The following WDR55 variants were observed in gnomAD, a reference collection of about 807,000 sequenced individuals.
The protein encoded by WDR55 is WD repeat domain 55.
In WDR55, 31 loss-of-function variants were observed where a neutral mutation model predicts 34.0. That is an observed-to-expected ratio of 0.91 (90% CI 0.69 to 1.23). WDR55 has a LOEUF of 1.23. Among genes scored for constraint, WDR55 ranks in the 50% most tolerant of loss-of-function variants. The pLI, the probability that WDR55 is intolerant of heterozygous loss-of-function variation, is 0.00. For synonymous variants in WDR55, 164 were observed against 185.9 expected (o/e 0.88, Z 0.96); for missense variants, 440 against 494.6 (o/e 0.89, Z 1.05).
At chr5:140,668,573 A>G (rs1481156391) in intron 3 of WDR55, 39 bp from the exon 4 acceptor site, 5 of 1,610,060 alleles carry the variant, frequency 3.1e-6, no homozygotes, top group African/African-American at 1.3e-5. Context: ...CCCCACTGGG[A>G]CAGAGATGCT....
At position 140,668,328 on chromosome 5, in the gene WDR55, G is replaced by A. The variant is rs1757971308; in HGVS notation, c.286G>A (p.Gly96Arg). Residue 96 changes from glycine (G) to arginine (R), a missense_variant, in exon 2 of 7, where the codon GGG (glycine) becomes AGG (arginine). Gly to Arg is a moderately radical substitution (Grantham distance 125). Coordinates refer to ENST00000358337, the MANE Select transcript of WDR55 (RefSeq NM_017706.5). ...ACRAVAFSED[G>R]QKLITVSKDK... is the part of the protein sequence containing the mutation. ...CCGAGCTGTGGCCTTCTCTGAAGAT[G>A]GGCAGAGTGAGTACTGGGGAAGACA... The A allele has an allele frequency of 6.2e-7, 1 of 1,614,212 alleles. No individual in the cohort carries two copies. Among genetic ancestry groups the A allele is most frequent in the Non-Finnish European group, 8.5e-7 (1 of 1,180,044 alleles).
Position 140,672,294 on chromosome 5 carries a change from TG to T in WDR55, c.*2642del. Reference sequence around the variant, plus strand: ...AGGTAAGCGGTGGTGGTAGCACCATTGGAAGTTTTAAAAATCTGAGATCAAA... The same window carrying T: ...AGGTAAGCGGTGGTGGTAGCACCATTGAAGTTTTAAAAATCTGAGATCAAA... On this transcript the variant is annotated 3_prime_UTR_variant, in exon 7 of 7. Transcript: ENST00000358337. The T allele has an allele frequency of 1.2e-6, 1 of 818,934 alleles. No individual in the cohort carries two copies. Among genetic ancestry groups the T allele is most frequent in the South Asian group, 1.7e-5 (1 of 60,036 alleles). 50.7% of individuals were successfully genotyped at this position (818,934 alleles called of 1,614,324 possible).
chr5:140,669,400 G>A lies in WDR55; in HGVS notation c.898G>A (p.Glu300Lys). 1.2e-6 allele frequency: 2 copies of A among 1,614,132 alleles called. No individual in the cohort carries two copies. Among genetic ancestry groups the A allele is most frequent in the Non-Finnish European group, 1.7e-6 (2 of 1,180,016 alleles). The stretch of plus-strand genomic sequence containing the variant: ...CCAGCACACTGGGGAGCCTGTGGAG[G>A]AGCTGGCCCTCTCCCACTGTGGCCG... ...VGQHTGEPVE[E>K]LALSHCGRFL... The change falls in exon 7 of 7, where the codon GAG becomes AAG. Residue 300 changes from glutamate to lysine, a missense_variant. Transcript: ENST00000358337.
chr5:140,671,936 T>C lies in WDR55; in HGVS notation c.*2282T>C. On this transcript the variant is annotated 3_prime_UTR_variant, in exon 7 of 7. Coordinates refer to ENST00000358337, the MANE Select transcript of WDR55 (RefSeq NM_017706.5). ...TATTTGCAAAGGGAGTATAACACAC[T>C]GCTACCTTACAAGTTTCCTTGGAGA... 1.5e-6 allele frequency: 1 copy of C among 666,986 alleles called. No homozygotes were observed. Among genetic ancestry groups the C allele is most frequent in the Non-Finnish European group, 2.6e-6 (1 of 387,348 alleles). 41.3% of individuals were successfully genotyped at this position (666,986 alleles called of 1,614,324 possible). A position where few individuals can be genotyped will look rare whatever the true frequency, so the allele number is the denominator to read the frequency against.
At position 140,669,518 on chromosome 5, in the gene WDR55, A is replaced by C; in HGVS notation, c.1016A>C (p.Lys339Thr). 1 of 1,614,032 alleles carries C rather than the reference A, an allele frequency of 6.2e-7. No homozygotes were observed. Among genetic ancestry groups the C allele is most frequent in the Non-Finnish European group, 8.5e-7 (1 of 1,179,990 alleles). ...AVVVDDYRRR[K>T]KKGGPLRALS... is the part of the protein sequence containing the mutation. ...GTGGTGGATGACTACCGTCGGCGCAAAAAAAAGGGAGGACCACTGCGGGCT... is the reference window on the plus strand; with the variant it reads ...GTGGTGGATGACTACCGTCGGCGCACAAAAAAGGGAGGACCACTGCGGGCT... Residue 339 changes from lysine to threonine, a missense_variant, in exon 7 of 7, where the codon AAA (lysine) becomes ACA (threonine). By Grantham distance (78) the Lys-to-Thr change is moderately conservative. Transcript: ENST00000358337.
rs1231834252 is a variant in WDR55, at chr5:140,671,765, CAA to C, written c.*2113_*2114del. The C allele has an allele frequency of 6.4e-7, 1 of 1,560,208 alleles. No individual in the cohort carries two copies. Among genetic ancestry groups the C allele is most frequent in the Non-Finnish European group, 8.7e-7 (1 of 1,151,334 alleles). ...GTGTGACTGCCCTGTAGGAAAAATG[CAA>C]AGACAAGGGCAGGTCTAAACCCTGG... On this transcript the variant is annotated 3_prime_UTR_variant, in exon 7 of 7. Transcript: ENST00000358337.
chr5:140,668,120 G>T (rs529596627), intron 1 of WDR55, 114 bp from the exon 2 acceptor site: 1 of 1,252,878 alleles, frequency 8.0e-7, no homozygotes, highest in South Asian at 1.7e-5. Context: ...GCTTAGAGGT[G>T]TAGAAGCAGG....
rs1343156451 is a variant in WDR55 at position 140,668,155 on chromosome 5, GCT to G, written c.192-76_192-75del. The G allele has an allele frequency of 4.8e-6, 7 of 1,464,016 alleles. No individual in the cohort carries two copies. The African/African-American group carries it at 9.9e-5, about 21-fold the overall frequency. The allele number at this position is 1,464,016 out of a possible 1,614,324, so 90.7% of individuals were successfully genotyped here. A position where few individuals can be genotyped will look rare whatever the true frequency, so the allele number is the denominator to read the frequency against. On this transcript the variant is annotated intron_variant, in intron 1 of 6. Transcript: ENST00000358337. Reference sequence around the variant, plus strand: ...GAACTCTTAGGTAGGTGGGAAGGCTGCTCTGTCTAGTTGGTCTCTGCACTCAA... The same window carrying G: ...GAACTCTTAGGTAGGTGGGAAGGCTGCTGTCTAGTTGGTCTCTGCACTCAA...
At position 140,668,660 on chromosome 5, in the gene WDR55, T is replaced by C. The variant is rs1197046909; in HGVS notation, c.429T>C (p.Thr143=). The C allele has an allele frequency of 2.5e-6, 4 of 1,613,994 alleles. No individual in the cohort carries two copies. In the African/African-American group the frequency reaches 4.0e-5, roughly 16 times the overall value. ...TGGTGGATGAGAATGTTCTGGCCAC[T>C]GGGGATGACACAGGTGGTATCTGTC... ...LLLVDENVLA[T]GDDTGGICLW... Residue 143 remains threonine (T), a synonymous_variant, in exon 4 of 7, where the codon ACT becomes ACC. Coordinates refer to ENST00000358337, the MANE Select transcript of WDR55 (RefSeq NM_017706.5).
chr5:140,672,281 G>T lies in WDR55; in HGVS notation c.*2627G>T. The T allele has an allele frequency of 1.4e-6, 1 of 733,762 alleles. No homozygotes were observed. The allele number at this position is 733,762 out of a possible 1,614,324, so 45.5% of individuals were successfully genotyped here. A position where few individuals can be genotyped will look rare whatever the true frequency, so the allele number is the denominator to read the frequency against. On this transcript the variant is annotated 3_prime_UTR_variant, in exon 7 of 7. Transcript: ENST00000358337. ...GTGTCACAAATTTAGGTAAGCGGTG[G>T]TGGTAGCACCATTGGAAGTTTTAAA...
At chr5:140,669,274 G>A in intron 6 of WDR55, 26 bp downstream of exon 6, 7 of 1,613,212 alleles carry the variant, frequency 4.3e-6, no homozygotes, top group Non-Finnish European at 5.9e-6. Flanking sequence ...ACAGCCCTTA[G>A]GTCACAGGAA....
rs77628038 is a variant in WDR55, at chr5:140,669,586, C to T, written c.1084C>T (p.Leu362=). Residue 362 remains leucine (L), a synonymous_variant, in exon 7 of 7, where the codon CTG becomes TTG. Transcript: ENST00000358337. ...GAGCACCGATGACTTCTTCGCAGGA[C>T]TGAGGGAAGAGGGAGAAGACTCCAT... ...TWSTDDFFAG[L]REEGEDSMAQ... 6.8e-4 allele frequency: 1,100 copies of T among 1,614,106 alleles called. 7 individuals carry two copies. The African/African-American group carries it at 0.013, about 19-fold the overall frequency.
rs1758028584 is a variant in WDR55 at position 140,669,814 on chromosome 5, A to G, written c.*160A>G. The G allele has an allele frequency of 1.3e-5, 9 of 700,414 alleles. No individual in the cohort carries two copies. Among genetic ancestry groups the G allele is most frequent in the African/African-American group, 1.8e-5 (1 of 55,428 alleles). The allele number at this position is 700,414 out of a possible 1,614,324, so 43.4% of individuals were successfully genotyped here. On this transcript the variant is annotated 3_prime_UTR_variant, in exon 7 of 7. Transcript: ENST00000358337. ...TTGATCTTGGCTCACTGCAGCCTCA[A>G]TGTCCCCAGGCTCAGATTGTCCTTC...
rs1581488659 is a variant in WDR55 at position 140,664,940 on chromosome 5, G to A, written c.28G>A (p.Ala10Thr). Residue 10 changes from alanine to threonine, a missense_variant, in exon 1 of 7, where the codon GCT becomes ACT. By Grantham distance (58) the Ala-to-Thr change is moderately conservative (BLOSUM62 0). Coordinates refer to ENST00000358337, the MANE Select transcript of WDR55 (RefSeq NM_017706.5). ...GGACCGCACTTGTGAGGAGAGGCCC[G>A]CTGAGGATGGGAGCGACGAGGAGGA... MDRTCEERP[A>T]EDGSDEEDPD... 1 of 1,609,818 alleles carries A rather than the reference G, an allele frequency of 6.2e-7. No individual in the cohort carries two copies. The highest frequency in any genetic ancestry group is 2.2e-5 in the East Asian group (1 of 44,652).
intron 4 of WDR55, 27 bp from the exon 5 acceptor site, chr5:140,668,864 C>G: frequency 4.3e-6 from 7 of 1,614,202 alleles, no homozygotes; most frequent in Non-Finnish European, 5.1e-6. Flanking sequence ...GACCTTGCGT[C>G]TAAGCCTACT....
rs779330167 is a variant in WDR55, at chr5:140,671,321, G to A, written c.*1667G>A. ...CTGTTTAACCATGGTACCTGCCTCA[G>A]CCCCAGCAGACCACAGGAGGTTGGC... On this transcript the variant is annotated 3_prime_UTR_variant, in exon 7 of 7. Coordinates refer to ENST00000358337, the MANE Select transcript of WDR55 (RefSeq NM_017706.5). 5.9e-5 allele frequency: 95 copies of A among 1,612,802 alleles called. No homozygotes were observed. Among genetic ancestry groups the A allele is most frequent in the Non-Finnish European group, 7.6e-5 (90 of 1,179,984 alleles).
chr5:140,669,168 C>T lies in WDR55; in HGVS notation c.750C>T (p.Ala250=), dbSNP rs763245998. The T allele has an allele frequency of 6.2e-7, 1 of 1,614,140 alleles. No individual in the cohort carries two copies. The highest frequency in any genetic ancestry group is 8.5e-7 in the Non-Finnish European group (1 of 1,180,044). The change falls in exon 6 of 7, where the codon GCC becomes GCT. Residue 250 remains alanine (A), a synonymous_variant. Transcript: ENST00000358337. ...NGFGATSDRF[A]LRAESIDCMV... is the part of the protein sequence containing the mutation. ...TTGGGGCCACAAGTGACCGCTTTGCCCTGAGAGCTGAATCTATCGACTGCA... is the reference window on the plus strand; with the variant it reads ...TTGGGGCCACAAGTGACCGCTTTGCTCTGAGAGCTGAATCTATCGACTGCA...
At position 140,670,790 on chromosome 5, in the gene WDR55, C is replaced by A. The variant is rs751002250; in HGVS notation, c.*1136C>A. 4.9e-6 allele frequency: 1 copy of A among 204,636 alleles called. No individual in the cohort carries two copies. Among genetic ancestry groups the A allele is most frequent in the Non-Finnish European group, 1.0e-5 (1 of 99,158 alleles). The allele number at this position is 204,636 out of a possible 1,614,324, so 12.7% of individuals were successfully genotyped here. On this transcript the variant is annotated 3_prime_UTR_variant, in exon 7 of 7. Coordinates refer to ENST00000358337, the MANE Select transcript of WDR55 (RefSeq NM_017706.5). ...AAGCTAGGGCAAGACAGCACAGACA[C>A]AAGTATATACTAACCAGGGGTTTAA...
At chr5:140,665,177 G>C (rs1287787668) in intron 1 of WDR55, 74 bp downstream of exon 1, 1 of 1,432,582 alleles carries the variant, frequency 7.0e-7, no homozygotes, top group African/African-American at 1.4e-5. Flanking sequence ...GGAGAGATGA[G>C]AGAAAGTTGC....
Sources: allele counts gnomAD v4.1 joint callset, GRCh38; gene constraint gnomAD v4.1.1; transcripts MANE v1.5; gene names NCBI Gene and HGNC (gene_info 2026-07-23, HGNC 2026-07-21).